The following ENTPD5 variants were observed in gnomAD, a reference collection of about 807,000 sequenced individuals.
ENTPD5 encodes the protein ectonucleoside triphosphate diphosphohydrolase 5 (inactive).
ENTPD5 carries 49 observed loss-of-function variants against 60.2 expected under a neutral mutation model. That is an observed-to-expected ratio of 0.81 (90% CI 0.65 to 1.03). The LOEUF (loss-of-function observed/expected upper bound fraction) is 1.03, where lower values mean the gene tolerates loss of function less well. Among genes scored for constraint, ENTPD5 ranks in the 50% least tolerant of loss-of-function variants. The pLI, the probability that ENTPD5 is intolerant of heterozygous loss-of-function variation, is 0.00. For synonymous variants in ENTPD5, 187 were observed against 185.4 expected, an observed-to-expected ratio of 1.01 and a Z score of -0.07; for missense variants, 480 against 507.6, an observed-to-expected ratio of 0.95 and a Z score of 0.52.
At chr14:74,010,554 CA>C (rs57848975) in intron 3 of ENTPD5, among the ~76,000 whole-genome samples, 95 of 141,304 alleles carry the variant, frequency 6.7e-4, no homozygotes, top group Admixed American at 7.1e-4. Context: ...AACTCTATCT[CA>C]AAAAAAAAAA....
intron 3 of ENTPD5, among the ~76,000 whole-genome samples, chr14:74,002,806 T>C (rs1013866091): frequency 6.6e-6 from 1 of 152,222 alleles, no homozygotes; most frequent in Non-Finnish European, 1.5e-5. Flanking sequence ...CTCTGTTTTA[T>C]GCAAAATCCA....
intron 3 of ENTPD5, among the ~76,000 whole-genome samples, chr14:74,005,402 T>G (rs1348556119): frequency 7.1e-6 from 1 of 140,048 alleles, no homozygotes; most frequent in African/African-American, 2.7e-5. Context: ...GGTTTCACTA[T>G]GTTTGTCAGA....
chr14:74,007,293 G>A (rs1165155436), intron 3 of ENTPD5, among the ~76,000 whole-genome samples: 1 of 152,162 alleles, frequency 6.6e-6, no homozygotes, highest in Non-Finnish European at 1.5e-5. Flanking sequence ...AGGTCAAGGA[G>A]GGCGGATCAC....
downstream of ENTPD5, chr14:73,959,581 G>C: frequency 1.4e-6 from 2 of 1,404,964 alleles, no homozygotes; most frequent in Non-Finnish European, 9.8e-7. Flanking sequence ...GAAAGGTGTT[G>C]TTTTTTTTTT....
intron 3 of ENTPD5, among the ~76,000 whole-genome samples, chr14:74,004,009 G>A (rs1459382880): frequency 6.6e-6 from 1 of 151,674 alleles, no homozygotes; most frequent in Non-Finnish European, 1.5e-5. Context: ...GGAGGCTGAG[G>A]CAGAAGGATC....
At chr14:73,988,630 G>GT (rs2058004542) in intron 3 of ENTPD5, among the ~76,000 whole-genome samples, 1 of 151,976 alleles carries the variant, frequency 6.6e-6, no homozygotes, top group Non-Finnish European at 1.5e-5. Context: ...CTATTTAATT[G>GT]TAAGTTTGTA....
chr14:73,958,059 G>T, downstream of ENTPD5: 1 of 1,019,758 alleles, frequency 9.8e-7, no homozygotes, highest in East Asian at 2.4e-5. Context: ...GCTGTCCTGG[G>T]ACCTTGCTTT....
chr14:73,958,167 A>G, downstream of ENTPD5: 1 of 1,614,026 alleles, frequency 6.2e-7, no homozygotes, highest in Non-Finnish European at 8.5e-7. Context: ...GGTTCTCTAC[A>G]GGAGCAAAGC....
At chr14:73,956,156 C>G (rs946172913), downstream of ENTPD5, 3 of 451,646 alleles carry the variant, frequency 6.6e-6, no homozygotes, top group South Asian at 2.0e-5. Context: ...AACCCTGTCT[C>G]TACTAAAAAT....
At chr14:73,960,353 A>G (rs2056657742), downstream of ENTPD5, 1 of 986,914 alleles carries the variant, frequency 1.0e-6, no homozygotes, top group South Asian at 4.7e-5. Flanking sequence ...ACAAATACTA[A>G]TAATTCTGGA....
At chr14:73,959,169 A>G, downstream of ENTPD5, 1 of 1,614,196 alleles carries the variant, frequency 6.2e-7, no homozygotes, top group African/African-American at 1.3e-5. Context: ...CAGGCCACAG[A>G]AAACAACGTA....
chr14:74,017,865 C>T (rs1290697848), intron 1 of ENTPD5, among the ~76,000 whole-genome samples: 1 of 148,110 alleles, frequency 6.8e-6, no homozygotes, highest in Non-Finnish European at 1.5e-5. Context: ...GCCTAGGCAA[C>T]AAGAGCAAAA....
At chr14:74,001,538 G>T (rs2058506809) in intron 3 of ENTPD5, among the ~76,000 whole-genome samples, 1 of 150,320 alleles carries the variant, frequency 6.7e-6, no homozygotes, top group South Asian at 2.1e-4. Context: ...CATGGTGGCG[G>T]GCACCTGTAG....
chr14:74,006,650 G>A (rs10132807), intron 3 of ENTPD5, among the ~76,000 whole-genome samples: 104,546 of 150,572 alleles, frequency 0.69, 36,778 homozygotes, highest in South Asian at 0.78. Flanking sequence ...CAGTGGTGCA[G>A]ACACAGCTCA....
intron 3 of ENTPD5, among the ~76,000 whole-genome samples, chr14:73,993,664 T>C (rs2140708800): frequency 6.6e-6 from 1 of 152,320 alleles, no homozygotes; most frequent in East Asian, 1.9e-4. Context: ...CTCTGAGTGT[T>C]AACAGATCCT....
intron 13 of ENTPD5, among the ~76,000 whole-genome samples, chr14:73,972,214 T>TA (rs1043379255): frequency 2.7e-5 from 4 of 147,950 alleles, no homozygotes; most frequent in African/African-American, 5.0e-5. Context: ...TCGTCTCTAT[T>TA]AAAAAAAAAA....
Position 73,965,562 on chromosome 14 carries a change from C to A in ENTPD5, c.*1366G>T, listed in dbSNP as rs7155210. 61,198 of 151,944 alleles carry A rather than the reference C, an allele frequency of 0.4. 13,383 individuals are homozygous for A. Among genetic ancestry groups the A allele is most frequent in the South Asian group, 0.5 (2,384 of 4,816 alleles). 9.4% of individuals were successfully genotyped at this position (151,944 alleles called of 1,614,324 possible). ...ACATGGTGAAACCCCATCTCTACTA[C>A]AAATACAAAAATTAGCCAGGAATGG... On this transcript the variant is annotated 3_prime_UTR_variant, in exon 16 of 16. Coordinates refer to ENST00000334696, the MANE Select transcript of ENTPD5 (RefSeq NM_001249.5).
rs2056932633 is a variant in ENTPD5 at position 73,965,413 on chromosome 14, A to T, written c.*1515T>A. ...CCAAGAGCACTGCAGGGCAGATGAG[A>T]AGCAGGGATGATTATGTTGAAAGTG... On this transcript the variant is annotated 3_prime_UTR_variant, in exon 16 of 16. Transcript: ENST00000334696. The T allele has an allele frequency of 6.6e-6, 1 of 152,198 alleles. No homozygotes were observed. Among genetic ancestry groups the T allele is most frequent in the Non-Finnish European group, 1.5e-5 (1 of 68,068 alleles). 9.4% of individuals were successfully genotyped at this position (152,198 alleles called of 1,614,324 possible). A position where few individuals can be genotyped will look rare whatever the true frequency, so the allele number is the denominator to read the frequency against.
At chr14:73,958,717 A>T (rs2056562265), downstream of ENTPD5, 1 of 1,393,122 alleles carries the variant, frequency 7.2e-7, no homozygotes, top group East Asian at 2.9e-5. Context: ...TCTAGTTCAA[A>T]TATCAGGAGG....
Sources: gnomAD v4.1 joint callset for allele counts (sites outside exome capture counted in the v4.1 genomes callset) on GRCh38, gnomAD v4.1.1 for gene constraint, MANE v1.5 for transcripts, NCBI Gene and HGNC (gene_info 2026-07-23, HGNC 2026-07-21) for gene names.